Variants in KIF26B observed in about 807,000 individuals in gnomAD.
KIF26B encodes the protein kinesin-like protein KIF26B.
In KIF26B, 63 loss-of-function variants were observed where a neutral mutation model predicts 151.2. The observed-to-expected ratio is 0.42, with a 90% CI of 0.34 to 0.51. The LOEUF (loss-of-function observed/expected upper bound fraction) is 0.51, where lower values mean the gene tolerates loss of function less well. KIF26B is among the 20% of genes least tolerant of loss of function. The pLI is 0.07. For synonymous variants in KIF26B, 1,357 were observed against 1,262.1 expected (o/e 1.08, Z -1.59); for missense variants, 2,813 against 2,913.6 (o/e 0.97, Z 0.79).
At chr1:245,614,486 T>G (rs2043563476) in intron 9 of KIF26B, among the ~76,000 whole-genome samples, 1 of 152,246 alleles carries the variant, frequency 6.6e-6, no homozygotes, top group South Asian at 2.1e-4. Flanking sequence ...CCTTCAGTTT[T>G]GACTGGGCCT....
At chr1:245,260,243 A>G (rs1670609080) in intron 2 of KIF26B, among the ~76,000 whole-genome samples, 1 of 152,170 alleles carries the variant, frequency 6.6e-6, no homozygotes, top group Non-Finnish European at 1.5e-5. Flanking sequence ...AGAATCAGGA[A>G]ACAGTGCTGG....
intron 3 of KIF26B, among the ~76,000 whole-genome samples, chr1:245,381,901 G>A (rs966857034): frequency 1.3e-5 from 2 of 152,162 alleles, no homozygotes; most frequent in East Asian, 3.8e-4. Context: ...TCATATGTCA[G>A]AATTTCCTTC....
chr1:245,554,842 A>G (rs1661981768), intron 5 of KIF26B, among the ~76,000 whole-genome samples: 1 of 152,198 alleles, frequency 6.6e-6, no homozygotes, highest in African/African-American at 2.4e-5. Flanking sequence ...GTGAATCACA[A>G]TGGCATATGT....
At chr1:245,314,147 C>A (rs1031031803) in intron 2 of KIF26B, among the ~76,000 whole-genome samples, 2 of 152,074 alleles carry the variant, frequency 1.3e-5, no homozygotes, top group African/African-American at 4.8e-5. Flanking sequence ...CAGCACTTGC[C>A]CTTAAAAACT....
intron 10 of KIF26B, among the ~76,000 whole-genome samples, chr1:245,676,940 G>C (rs1190821813): frequency 1.3e-5 from 2 of 152,168 alleles, no homozygotes; most frequent in African/African-American, 4.8e-5. Context: ...CATGGTGCCA[G>C]CCCCAAATGA....
chr1:245,484,198 GT>G (rs1660226464), intron 4 of KIF26B, among the ~76,000 whole-genome samples: 1 of 151,706 alleles, frequency 6.6e-6, no homozygotes, highest in African/African-American at 2.4e-5. Flanking sequence ...CTCTTAATAA[GT>G]GTTAATAATG....
intron 3 of KIF26B, among the ~76,000 whole-genome samples, chr1:245,411,981 G>A (rs1227639656): frequency 2.0e-5 from 3 of 152,130 alleles, no homozygotes; most frequent in Non-Finnish European, 4.4e-5. Flanking sequence ...TGATCCGGGC[G>A]TGCATTGTTT....
At position 245,318,519 on chromosome 1, in the gene KIF26B, G is replaced by A. The variant is rs147364748; in HGVS notation, c.466-48315G>A. Reference sequence around the variant, plus strand: ...TGCTCATTAATATCTGCTTGGCTCCGGATCTGCAGGTAGAGCAGTGCTGGA... The same window carrying A: ...TGCTCATTAATATCTGCTTGGCTCCAGATCTGCAGGTAGAGCAGTGCTGGA... On this transcript the variant is annotated intron_variant, in intron 2 of 14. Transcript: ENST00000407071. This position sits in a 1 kb window ranked among gnomAD's most constrained non-coding sequence, Gnocchi z 4.0. Among the ~76,000 whole-genome samples, 7 of 152,186 alleles carry A rather than the reference G, an allele frequency of 4.6e-5. No individual in the cohort carries two copies. The highest frequency in any genetic ancestry group is 1.3e-4 in the Admixed American group (2 of 15,282).
At chr1:245,261,450 GC>G (rs1464031589) in intron 2 of KIF26B, among the ~76,000 whole-genome samples, 19 of 148,696 alleles carry the variant, frequency 1.3e-4, no homozygotes, top group African/African-American at 4.7e-4. Context: ...TCGCTTGCTT[GC>G]TTGCTTTTTC....
chr1:245,545,741 A>C (rs987510134), intron 5 of KIF26B, among the ~76,000 whole-genome samples: 5 of 152,214 alleles, frequency 3.3e-5, no homozygotes, highest in Non-Finnish European at 7.3e-5. Context: ...TATTTCACTG[A>C]TTTGGCTTAT....
intron 2 of KIF26B, among the ~76,000 whole-genome samples, chr1:245,189,455 A>T (rs940236839): frequency 6.6e-6 from 1 of 152,202 alleles, no homozygotes; most frequent in African/African-American, 2.4e-5. Context: ...TCTCACTGTT[A>T]TTCTTGAGCC....
At chr1:245,378,066 C>T (rs1171368455) in intron 3 of KIF26B, among the ~76,000 whole-genome samples, 3 of 152,262 alleles carry the variant, frequency 2.0e-5, no homozygotes, top group South Asian at 2.1e-4. Flanking sequence ...ATGTAAACAG[C>T]ACCTCTTGGG....
intron 2 of KIF26B, among the ~76,000 whole-genome samples, chr1:245,294,813 C>T (rs187245372): frequency 1.4e-3 from 218 of 152,226 alleles, no homozygotes; most frequent in African/African-American, 5.2e-3. Context: ...CAGGCACCCA[C>T]CAACAGACCT....
rs201847058 is a variant in KIF26B at position 245,698,946 on chromosome 1, C to A, written c.6087C>A (p.Ala2029=). The A allele has an allele frequency of 3.7e-6, 6 of 1,613,902 alleles. No homozygotes were observed. The African/African-American group carries it at 8.0e-5, about 22-fold the overall frequency. Reference sequence around the variant, plus strand: ...TGGAACACCGCCAGCAGAGGATCGCCGAGGTCCGCGCGAAGTACGAGTGGC... The same window carrying A: ...TGGAACACCGCCAGCAGAGGATCGCAGAGGTCCGCGCGAAGTACGAGTGGC... ...KILEHRQQRI[A]EVRAKYEWLM... is the part of the protein sequence containing the mutation. The change falls in exon 14 of 15, where the codon GCC becomes GCA. Residue 2029 remains alanine, a synonymous_variant. Coordinates refer to ENST00000407071, the MANE Select transcript of KIF26B (RefSeq NM_018012.4). This position sits in a 1 kb window ranked among gnomAD's most constrained non-coding sequence, Gnocchi z 4.0.
At chr1:245,497,039 A>T (rs928185405) in intron 4 of KIF26B, among the ~76,000 whole-genome samples, 3 of 151,862 alleles carry the variant, frequency 2.0e-5, no homozygotes, top group Admixed American at 6.6e-5. Context: ...TGTAATCGCA[A>T]CTACTCGGGA....
At position 245,516,480 on chromosome 1, in the gene KIF26B, G is replaced by A. The variant is rs1013265388; in HGVS notation, c.1167-24287G>A. On this transcript the variant is annotated intron_variant, in intron 4 of 14. Coordinates refer to ENST00000407071, the MANE Select transcript of KIF26B (RefSeq NM_018012.4). The surrounding 1 kb of genome is among the most constrained non-coding windows in gnomAD (Gnocchi z 4.2). ...TCACATGCGTCTATATGAACGCCCCGCTGCAGCTGCCTTTGCTATACAGTG... is the reference window on the plus strand; with the variant it reads ...TCACATGCGTCTATATGAACGCCCCACTGCAGCTGCCTTTGCTATACAGTG... 1.3e-5 allele frequency among the ~76,000 whole-genome samples: 2 copies of A among 152,134 alleles called. No individual in the cohort carries two copies. Among genetic ancestry groups the A allele is most frequent in the African/African-American group, 2.4e-5 (1 of 41,416 alleles).
intron 2 of KIF26B, among the ~76,000 whole-genome samples, chr1:245,175,705 T>C (rs1219166045): frequency 6.6e-6 from 1 of 152,136 alleles, no homozygotes; most frequent in Non-Finnish European, 1.5e-5. Context: ...GAGACCATAA[T>C]TCAAGTCATA....
At chr1:245,509,881 G>T (rs1660795527) in intron 4 of KIF26B, among the ~76,000 whole-genome samples, 1 of 152,118 alleles carries the variant, frequency 6.6e-6, no homozygotes, top group Non-Finnish European at 1.5e-5. Flanking sequence ...CTCCTCTGTT[G>T]CTTCTTCTTC....
chr1:245,671,356 T>C (rs547635512), intron 10 of KIF26B, among the ~76,000 whole-genome samples: 2 of 152,244 alleles, frequency 1.3e-5, no homozygotes, highest in African/African-American at 4.8e-5. Flanking sequence ...CTTGCAAGCA[T>C]GTTGAGTAAC....
Sources: allele counts gnomAD v4.1 joint callset (sites outside exome capture counted in the v4.1 genomes callset), GRCh38; gene constraint gnomAD v4.1.1; non-coding constraint Gnocchi (gnomAD v3.1); transcripts MANE v1.5; gene names NCBI Gene and HGNC (gene_info 2026-07-23, HGNC 2026-07-21).